SH3KBP1: variants seen among roughly 807,000 people sequenced by gnomAD.
SH3KBP1 encodes the protein SH3 domain containing kinase binding protein 1, also known as SH3 domain-containing kinase-binding protein 1.
In SH3KBP1, 8 loss-of-function variants were observed where a neutral mutation model predicts 50.1. That is an observed-to-expected ratio of 0.16 (90% confidence interval 0.09 to 0.29). The LOEUF (loss-of-function observed/expected upper bound fraction) is 0.29, where lower values mean the gene tolerates loss of function less well. SH3KBP1 is among the 10% of genes least tolerant of loss of function. The probability of loss-of-function intolerance (pLI) is 1.00; values close to 1 mark genes in which losing one functional copy is unlikely to be tolerated. For missense variants in SH3KBP1, 377 were observed against 535.2 expected, an observed-to-expected ratio of 0.70 and a Z score of 2.92; for synonymous variants, 227 against 218.6, an observed-to-expected ratio of 1.04 and a Z score of -0.34.
At chrX:19,542,267 C>T in intron 15 of SH3KBP1, 74 bp from the exon 16 acceptor site, 1 of 985,449 alleles carries the variant, frequency 1.0e-6, no homozygotes, top group Non-Finnish European at 1.3e-6. Context: ...GTTAGTCAAA[C>T]TCTCCGTTAA....
chrX:19,613,530 T>A (rs2067498244), intron 8 of SH3KBP1, among the ~76,000 whole-genome samples: 1 of 112,689 alleles, frequency 8.9e-6, no homozygotes, highest in Non-Finnish European at 1.9e-5. Flanking sequence ...TCATTTTTAC[T>A]CTTTCAAACT....
chrX:19,811,842 C>T (rs765238776), intron 2 of SH3KBP1, among the ~76,000 whole-genome samples: 9 of 111,758 alleles, frequency 8.1e-5, no homozygotes, highest in South Asian at 7.4e-4. Context: ...ACAACTGGAA[C>T]TGGAACCAAC....
chrX:19,662,420 T>C (rs2062484209), intron 6 of SH3KBP1, among the ~76,000 whole-genome samples: 2 of 112,336 alleles, frequency 1.8e-5, no homozygotes, highest in Non-Finnish European at 3.8e-5. Flanking sequence ...ACGTTTTTCA[T>C]ATATGCTCAA....
Position 19,699,198 on chromosome X carries a change from G to A in SH3KBP1, c.391-3457C>T, listed in dbSNP as rs981567977. 2.7e-5 allele frequency among the ~76,000 whole-genome samples: 3 copies of A among 112,316 alleles called. No homozygotes were observed. In the South Asian group the frequency reaches 1.1e-3, roughly 42 times the overall value. ...TCCATCCTTGAGAAGTTTCCAACAA[G>A]AGAGAGGCAGTTACAGAGCCTGAAC... On this transcript the variant is annotated intron_variant, in intron 4 of 17. Transcript: ENST00000397821.
chrX:19,878,290 A>T (rs2069311523), intron 1 of SH3KBP1, among the ~76,000 whole-genome samples: 1 of 102,017 alleles, frequency 9.8e-6, no homozygotes, highest in Non-Finnish European at 2.0e-5. Context: ...GTTTTCTCCC[A>T]TGATGTAGAC....
At chrX:19,647,450 A>G (rs1312550678) in intron 6 of SH3KBP1, among the ~76,000 whole-genome samples, 1 of 111,875 alleles carries the variant, frequency 8.9e-6, no homozygotes, top group Non-Finnish European at 1.9e-5. Flanking sequence ...CCAGACATCA[A>G]GCAAGGCCAC....
At chrX:19,765,964 C>T (rs1317018931) in intron 2 of SH3KBP1, among the ~76,000 whole-genome samples, 2 of 111,981 alleles carry the variant, frequency 1.8e-5, no homozygotes, top group South Asian at 7.4e-4. Flanking sequence ...TCTGTGAATA[C>T]TACTGTGCAC....
chrX:19,580,334 C>T (rs1222825470), intron 12 of SH3KBP1, among the ~76,000 whole-genome samples: 1 of 111,461 alleles, frequency 9.0e-6, no homozygotes, highest in Non-Finnish European at 1.9e-5. Flanking sequence ...CACCCATTCT[C>T]CATCTTTTTT....
At chrX:19,575,091 C>T (rs987322073) in intron 12 of SH3KBP1, among the ~76,000 whole-genome samples, 4 of 112,410 alleles carry the variant, frequency 3.6e-5, no homozygotes, top group African/African-American at 9.7e-5. Flanking sequence ...CCAACGACAA[C>T]GGCTATCAGT....
At chrX:19,825,403 C>G (rs1462771581) in intron 2 of SH3KBP1, among the ~76,000 whole-genome samples, 3 of 111,902 alleles carry the variant, frequency 2.7e-5, no homozygotes, top group African/African-American at 9.7e-5. Context: ...CCTGTCAGGA[C>G]AATTCAGACA....
intron 3 of SH3KBP1, among the ~76,000 whole-genome samples, chrX:19,716,753 C>T (rs1366807676): frequency 9.0e-6 from 1 of 111,391 alleles, no homozygotes; most frequent in African/African-American, 3.3e-5. Context: ...GGAGGTTCAG[C>T]ATGCTGGCCC....
intron 2 of SH3KBP1, among the ~76,000 whole-genome samples, chrX:19,772,755 G>A (rs951365714): frequency 3.6e-5 from 4 of 111,380 alleles, no homozygotes; most frequent in African/African-American, 1.3e-4. Flanking sequence ...AAAAGGGTCG[G>A]GAGGAGGATG....
intron 16 of SH3KBP1, 115 bp downstream of exon 16, chrX:19,541,810 C>T (rs747546765): frequency 5.4e-5 from 46 of 850,077 alleles, no homozygotes; most frequent in Non-Finnish European, 6.8e-5. Flanking sequence ...CCACCATCAA[C>T]GGGGAGACCA....
chrX:19,598,118 G>C (rs780042481), intron 9 of SH3KBP1, among the ~76,000 whole-genome samples: 39 of 112,423 alleles, frequency 3.5e-4, no homozygotes, highest in African/African-American at 1.2e-3. Flanking sequence ...TCATAGACTT[G>C]AATAGTTAGG....
At chrX:19,604,176 A>G (rs1037810416) in intron 9 of SH3KBP1, among the ~76,000 whole-genome samples, 2 of 111,752 alleles carry the variant, frequency 1.8e-5, no homozygotes, top group Admixed American at 9.5e-5. Context: ...CTGGTATTCA[A>G]TTTTACTGTC....
chrX:19,557,514 G>T (rs950107189), intron 13 of SH3KBP1, among the ~76,000 whole-genome samples: 3 of 112,364 alleles, frequency 2.7e-5, no homozygotes, highest in Non-Finnish European at 5.6e-5. Context: ...CTGTCCAGTA[G>T]AACTTGCTGT....
intron 8 of SH3KBP1, among the ~76,000 whole-genome samples, chrX:19,616,890 G>C (rs1283327529): frequency 9.0e-6 from 1 of 111,222 alleles, no homozygotes; most frequent in Non-Finnish European, 1.9e-5. Flanking sequence ...GTGATCTCTG[G>C]GATATCCACT....
chrX:19,704,506 C>A (rs1463849363), intron 4 of SH3KBP1, among the ~76,000 whole-genome samples: 4 of 112,612 alleles, frequency 3.6e-5, no homozygotes, highest in African/African-American at 1.3e-4. Context: ...CCCTTTCAGT[C>A]TTTGATCACA....
intron 8 of SH3KBP1, among the ~76,000 whole-genome samples, chrX:19,622,979 G>A (rs2067887454): frequency 9.5e-6 from 1 of 105,405 alleles, no homozygotes; most frequent in African/African-American, 3.5e-5. Flanking sequence ...GGAGGCAGAG[G>A]TGGCAGTGAG....
Sources: gnomAD v4.1 joint callset for allele counts (sites outside exome capture counted in the v4.1 genomes callset) on GRCh38, gnomAD v4.1.1 for gene constraint, MANE v1.5 for transcripts, NCBI Gene and HGNC (gene_info 2026-07-23, HGNC 2026-07-21) for gene names.